Variants in EXOC4 observed in about 807,000 individuals in gnomAD.
EXOC4 encodes the protein SEC8-like 1.
In EXOC4, 71 loss-of-function variants were observed where a neutral mutation model predicts 107.2. That is an observed-to-expected ratio of 0.66 (90% CI 0.55 to 0.81). The LOEUF is 0.81. Among genes scored for constraint, EXOC4 ranks in the 30% least tolerant of loss-of-function variants. The probability of loss-of-function intolerance (pLI) is 0.00; values close to 1 mark genes in which losing one functional copy is unlikely to be tolerated. For missense variants in EXOC4, 1,108 were observed against 1,189.6 expected (o/e 0.93, Z 1.01); for synonymous variants, 456 against 441.2 (o/e 1.03, Z -0.42).
At chr7:133,847,411 G>A (rs947465616) in intron 11 of EXOC4, among the ~76,000 whole-genome samples, 5 of 145,634 alleles carry the variant, frequency 3.4e-5, no homozygotes, top group East Asian at 2.0e-4. Flanking sequence ...ACTGAGTCTC[G>A]CTCTGCCCCC....
intron 5 of EXOC4, among the ~76,000 whole-genome samples, chr7:133,349,760 G>A (rs1795866588): frequency 6.6e-6 from 1 of 151,928 alleles, no homozygotes; most frequent in African/African-American, 2.4e-5. Flanking sequence ...TTTCATAGTG[G>A]CTGTACCATT....
At chr7:133,556,011 T>G (rs1483862967) in intron 9 of EXOC4, among the ~76,000 whole-genome samples, 1 of 152,192 alleles carries the variant, frequency 6.6e-6, no homozygotes, top group Non-Finnish European at 1.5e-5. Context: ...GCTATGTTCT[T>G]CGTGGATTGT....
Position 133,775,783 on chromosome 7 carries a change from T to G in EXOC4, c.1515-41542T>G, listed in dbSNP as rs185253912. On this transcript the variant is annotated intron_variant, in intron 10 of 17. Transcript: ENST00000253861. ...GAGACAGTTGGACTGATTTCGCACT[T>G]TCAGTGAAGAAAGTCATGGCTTATA... Among the ~76,000 whole-genome samples, 7 of 152,302 alleles carry G rather than the reference T, an allele frequency of 4.6e-5. No individual in the cohort carries two copies. In the East Asian group the frequency reaches 9.7e-4, roughly 21 times the overall value.
chr7:133,335,058 C>T (rs950103616), intron 5 of EXOC4, among the ~76,000 whole-genome samples: 8 of 152,144 alleles, frequency 5.3e-5, no homozygotes, highest in Non-Finnish European at 1.2e-4. Context: ...AGTATTTTGC[C>T]ATCAGGCAAT....
chr7:133,518,417 C>G (rs1242667862), intron 9 of EXOC4, among the ~76,000 whole-genome samples: 1 of 150,488 alleles, frequency 6.6e-6, no homozygotes, highest in Admixed American at 6.6e-5. Context: ...CATTCATGGC[C>G]TCTCCTATTT....
At chr7:133,319,961 A>C (rs1372079328) in intron 5 of EXOC4, among the ~76,000 whole-genome samples, 3 of 150,064 alleles carry the variant, frequency 2.0e-5, no homozygotes, top group African/African-American at 7.4e-5. Context: ...GCAATGTCTT[A>C]AGTGCTTTAC....
At chr7:133,622,846 AAACATAAAATGATACT>A (rs1802366774) in intron 9 of EXOC4, among the ~76,000 whole-genome samples, 1 of 152,156 alleles carries the variant, frequency 6.6e-6, no homozygotes, top group Non-Finnish European at 1.5e-5. Flanking sequence ...AATTCCTTGG[AAACATAAAATGATACT>A]AAGCACATTG....
intron 7 of EXOC4, among the ~76,000 whole-genome samples, chr7:133,403,808 G>A (rs190123652): frequency 6.6e-6 from 1 of 152,218 alleles, no homozygotes; most frequent in East Asian, 1.9e-4. Context: ...GTGCACACCT[G>A]TAGTCCTTGC....
At chr7:133,318,276 T>A (rs1261200999) in intron 5 of EXOC4, among the ~76,000 whole-genome samples, 3 of 152,158 alleles carry the variant, frequency 2.0e-5, no homozygotes, top group African/African-American at 7.2e-5. Flanking sequence ...TGGGGTTATG[T>A]TTAAGGTTGA....
At chr7:134,046,673 G>A (rs1047739733) in intron 17 of EXOC4, among the ~76,000 whole-genome samples, 3 of 151,890 alleles carry the variant, frequency 2.0e-5, no homozygotes, top group Admixed American at 6.6e-5. Context: ...ACCTGCGTTC[G>A]TTAATGTTGG....
intron 14 of EXOC4, among the ~76,000 whole-genome samples, chr7:133,952,662 CA>C (rs1375504339): frequency 2.6e-5 from 4 of 152,190 alleles, no homozygotes; most frequent in African/African-American, 9.7e-5. Flanking sequence ...TCCTTCCCTC[CA>C]GCCCTTGGCA....
chr7:133,787,968 TATATATATATA>T (rs1796619861), intron 10 of EXOC4, among the ~76,000 whole-genome samples: 2 of 21,330 alleles, frequency 9.4e-5, no homozygotes, highest in Non-Finnish European at 1.9e-4. Context: ...TATATTTATA[TATATATATATA>T]TATATATATA....
intron 10 of EXOC4, among the ~76,000 whole-genome samples, chr7:133,632,006 C>T (rs956138701): frequency 5.3e-5 from 8 of 152,076 alleles, no homozygotes; most frequent in Non-Finnish European, 1.0e-4. Flanking sequence ...AACCACTTTT[C>T]AAGAGATTTT....
At chr7:134,056,222 T>C (rs896071371) in intron 17 of EXOC4, among the ~76,000 whole-genome samples, 1 of 152,222 alleles carries the variant, frequency 6.6e-6, no homozygotes, top group African/African-American at 2.4e-5. Context: ...AAGTGATATT[T>C]GATGAACTAT....
intron 12 of EXOC4, among the ~76,000 whole-genome samples, chr7:133,898,638 C>T (rs902615088): frequency 2.7e-5 from 4 of 149,218 alleles, no homozygotes; most frequent in Admixed American, 2.0e-4. Flanking sequence ...CCCAGCTACT[C>T]GGGAGGCTGA....
chr7:133,767,714 T>A (rs571718636), intron 10 of EXOC4, among the ~76,000 whole-genome samples: 1 of 152,102 alleles, frequency 6.6e-6, no homozygotes, highest in South Asian at 2.1e-4. Context: ...CCTTTTGTGT[T>A]CTAAGTCAGA....
chr7:133,521,727 C>A (rs1799983188), intron 9 of EXOC4, among the ~76,000 whole-genome samples: 2 of 152,060 alleles, frequency 1.3e-5, no homozygotes, highest in African/African-American at 2.4e-5. Flanking sequence ...TCAAGCAATT[C>A]TCCTGCCTCA....
At chr7:133,739,982 T>C (rs572358982) in intron 10 of EXOC4, among the ~76,000 whole-genome samples, 1 of 152,272 alleles carries the variant, frequency 6.6e-6, no homozygotes, top group Admixed American at 6.5e-5. Flanking sequence ...GGGTAAAGGA[T>C]TCTAATGTAG....
At chr7:134,016,908 G>A (rs937098943) in intron 17 of EXOC4, among the ~76,000 whole-genome samples, 1 of 152,184 alleles carries the variant, frequency 6.6e-6, no homozygotes, top group South Asian at 2.1e-4. Flanking sequence ...GAGAATGTCT[G>A]TGGTCTCCTA....
Sources: gnomAD v4.1 joint callset for allele counts (sites outside exome capture counted in the v4.1 genomes callset) on GRCh38, gnomAD v4.1.1 for gene constraint, MANE v1.5 for transcripts, NCBI Gene and HGNC (gene_info 2026-07-23, HGNC 2026-07-21) for gene names.